The following WDFY4 variants were observed in gnomAD, a reference collection of about 807,000 sequenced individuals.
The protein encoded by WDFY4 is WDFY family member 4, also known as WD repeat- and FYVE domain-containing protein 4.
Under a neutral mutation model 351.9 loss-of-function variants are expected in WDFY4, and 169 were observed. The ratio of observed to expected loss-of-function variants is 0.48; its 90% CI spans 0.42 to 0.55. The LOEUF is 0.55. Among genes scored for constraint, WDFY4 ranks in the 20% least tolerant of loss-of-function variants. The probability of loss-of-function intolerance (pLI) is 0.00; values close to 1 mark genes in which losing one functional copy is unlikely to be tolerated. For missense variants in WDFY4, 3,803 were observed against 3,935.6 expected (o/e 0.97, Z 0.90); for synonymous variants, 1,622 against 1,574.6 (o/e 1.03, Z -0.71).
chr10:48,929,393 T>C (rs1839850428), intron 47 of WDFY4, among the ~76,000 whole-genome samples: 1 of 152,160 alleles, frequency 6.6e-6, no homozygotes, highest in African/African-American at 2.4e-5. Context: ...AGGAAGCTAT[T>C]GTGTCCTGGA....
rs562347572 is a variant in WDFY4 at position 48,721,668 on chromosome 10, A to T, written c.456+301A>T. 1.6e-4 allele frequency among the ~76,000 whole-genome samples: 24 copies of T among 152,214 alleles called. No homozygotes were observed. The South Asian group carries it at 4.8e-3, about 30-fold the overall frequency. On this transcript the variant is annotated intron_variant, in intron 4 of 61. Coordinates refer to ENST00000325239, the MANE Select transcript of WDFY4 (RefSeq NM_001394531.1). ...GCCTCTCTTCTGGGGTTAGTGTAGG[A>T]TTGATAACGGCTGATGTTTATTGAC...
intron 12 of WDFY4, among the ~76,000 whole-genome samples, chr10:48,748,028 T>G (rs533867779): frequency 1.3e-5 from 2 of 152,354 alleles, no homozygotes; most frequent in East Asian, 1.9e-4. Flanking sequence ...CTTGCTTGTC[T>G]TGGGAAGAAT....
rs1326159935 is a variant in WDFY4 at position 48,709,897 on chromosome 10, G to A, written c.165G>A (p.Gln55=). The change falls in exon 2 of 62, where the codon CAG becomes CAA. Residue 55 remains glutamine, a synonymous_variant. Transcript: ENST00000325239. ...TGGAAAGGAAGTTTCTGGAATACCA[G>A]CAGTTGACTCACAAGAGCCCCATTG... The part of the protein sequence containing the change: ...DMLERKFLEY[Q]QLTHKSPIER... The A allele has an allele frequency of 6.4e-7, 1 of 1,552,134 alleles. No individual in the cohort carries two copies. The highest frequency in any genetic ancestry group is 8.7e-7 in the Non-Finnish European group (1 of 1,147,100).
intron 23 of WDFY4, among the ~76,000 whole-genome samples, chr10:48,794,305 C>T (rs887132675): frequency 2.0e-5 from 3 of 152,106 alleles, no homozygotes; most frequent in African/African-American, 7.2e-5. Context: ...CCTGGGGAGT[C>T]TCAGGATCTG....
At chr10:48,898,732 C>G (rs574459079) in intron 45 of WDFY4, among the ~76,000 whole-genome samples, 5 of 152,312 alleles carry the variant, frequency 3.3e-5, no homozygotes, top group Non-Finnish European at 7.3e-5. Flanking sequence ...TTGCCTGCAA[C>G]ACAGTTAGTT....
Position 48,880,624 on chromosome 10 carries a change from C to T in WDFY4, c.7167+3425C>T, listed in dbSNP as rs578072412. 5.3e-5 allele frequency among the ~76,000 whole-genome samples: 8 copies of T among 152,260 alleles called. No homozygotes were observed. In the South Asian group the frequency reaches 1.5e-3, roughly 28 times the overall value. On this transcript the variant is annotated intron_variant, in intron 43 of 61. Transcript: ENST00000325239. ...AGCTGTCCTGCTTCCACTTGGCACCCGGTGGCCAGTACATTCAGAAGGGAG... is the reference window on the plus strand; with the variant it reads ...AGCTGTCCTGCTTCCACTTGGCACCTGGTGGCCAGTACATTCAGAAGGGAG...
chr10:48,943,190 T>C (rs893214487), intron 48 of WDFY4, 140 bp from the exon 49 acceptor site: 53 of 915,668 alleles, frequency 5.8e-5, no homozygotes, highest in Non-Finnish European at 7.4e-5. Flanking sequence ...GCATGAGATG[T>C]GCACAAAGTA....
chr10:48,942,108 G>A (rs1003746413), intron 48 of WDFY4, among the ~76,000 whole-genome samples: 4 of 152,116 alleles, frequency 2.6e-5, no homozygotes, highest in African/African-American at 9.7e-5. Context: ...GGGATTACAG[G>A]CACCTACCAC....
Position 48,709,937 on chromosome 10 carries a change from C to G in WDFY4, c.205C>G (p.Leu69Val). The G allele has an allele frequency of 1.3e-6, 2 of 1,552,144 alleles. No homozygotes were observed. Among genetic ancestry groups the G allele is most frequent in the Non-Finnish European group, 1.7e-6 (2 of 1,147,044 alleles). The change falls in exon 2 of 62, where the codon CTG (leucine) becomes GTG (valine). Residue 69 changes from leucine (L) to valine (V), a missense_variant. By Grantham distance (32) the Leu-to-Val change is conservative. Coordinates refer to ENST00000325239, the MANE Select transcript of WDFY4 (RefSeq NM_001394531.1). Reference sequence around the variant, plus strand: ...GAGCCCCATTGAGCGTCAGAAGAGCCTGTTGAGTCTTCTCCCCCTATTCCT... The same window carrying G: ...GAGCCCCATTGAGCGTCAGAAGAGCGTGTTGAGTCTTCTCCCCCTATTCCT... The part of the protein sequence containing the change: ...HKSPIERQKS[L>V]LSLLPLFLKA...
chr10:48,757,092 C>T (rs965903490), intron 12 of WDFY4, among the ~76,000 whole-genome samples: 7 of 152,058 alleles, frequency 4.6e-5, no homozygotes, highest in Admixed American at 4.6e-4. Context: ...TTTTTAGCTA[C>T]ATATTCGGTT....
At chr10:48,876,678 A>G (rs2070024503) in intron 42 of WDFY4, among the ~76,000 whole-genome samples, 1 of 152,226 alleles carries the variant, frequency 6.6e-6, no homozygotes, top group African/African-American at 2.4e-5. Flanking sequence ...ATGAAGTGAA[A>G]TTCAGAGAAA....
At chr10:48,815,945 T>C (rs751439779) in intron 31 of WDFY4, among the ~76,000 whole-genome samples, 23 of 152,178 alleles carry the variant, frequency 1.5e-4, no homozygotes, top group Non-Finnish European at 2.8e-4. Context: ...GCTAATATTA[T>C]ATAAAAAAGA....
intron 52 of WDFY4, among the ~76,000 whole-genome samples, chr10:48,957,640 C>T (rs900894287): frequency 6.6e-6 from 1 of 152,240 alleles, no homozygotes; most frequent in African/African-American, 2.4e-5. Context: ...TGGCCCCGAC[C>T]AGTCCCATTT....
At chr10:48,725,409 C>T (rs2064235492) in intron 5 of WDFY4, among the ~76,000 whole-genome samples, 1 of 152,116 alleles carries the variant, frequency 6.6e-6, no homozygotes, top group South Asian at 2.1e-4. Context: ...CCTCTGTTAG[C>T]CATCAGGAAA....
intron 11 of WDFY4, among the ~76,000 whole-genome samples, chr10:48,741,846 A>G (rs2064860705): frequency 6.6e-6 from 1 of 152,218 alleles, no homozygotes. Context: ...TCCGCAGTCT[A>G]CTAAGGAACC....
chr10:48,721,801 G>A lies in WDFY4; in HGVS notation c.456+434G>A, dbSNP rs114972110. 1.7e-3 allele frequency among the ~76,000 whole-genome samples: 260 copies of A among 152,244 alleles called. 1 individual carries two copies. Among genetic ancestry groups the A allele is most frequent in the African/African-American group, 5.7e-3 (235 of 41,528 alleles). On this transcript the variant is annotated intron_variant, in intron 4 of 61. Transcript: ENST00000325239. ...GGTGATGCCAGTGAGTGATGAGAAC[G>A]CAGGCTTACCTACGCTGTGCACCTG...
intron 44 of WDFY4, among the ~76,000 whole-genome samples, chr10:48,892,483 T>C (rs1564455386): frequency 1.3e-5 from 2 of 152,228 alleles, no homozygotes; most frequent in African/African-American, 2.4e-5. Context: ...CAGATAGTTT[T>C]AGTCACCATA....
chr10:48,738,986 C>T (rs1194552238), intron 11 of WDFY4, among the ~76,000 whole-genome samples: 2 of 152,220 alleles, frequency 1.3e-5, no homozygotes, highest in African/African-American at 2.4e-5. Flanking sequence ...TGTGACTTCA[C>T]CACCTAATTC....
chr10:48,955,878 G>T (rs1564527274), intron 51 of WDFY4, among the ~76,000 whole-genome samples: 2 of 152,138 alleles, frequency 1.3e-5, no homozygotes, highest in Non-Finnish European at 1.5e-5. Context: ...CCTGCCCCTT[G>T]TTCCACATGT....
Sources: allele counts gnomAD v4.1 joint callset (sites outside exome capture counted in the v4.1 genomes callset), GRCh38; gene constraint gnomAD v4.1.1; transcripts MANE v1.5; gene names NCBI Gene and HGNC (gene_info 2026-07-23, HGNC 2026-07-21).